Variants in CECR2 observed in about 807,000 individuals in gnomAD.
CECR2 encodes the protein chromatin remodeling regulator CECR2.
In CECR2, 30 loss-of-function variants were observed where a neutral mutation model predicts 154.5. The observed-to-expected ratio is 0.19, with a 90% CI of 0.15 to 0.26. The LOEUF is 0.26. CECR2 is among the 10% of genes least tolerant of loss of function. CECR2 has a pLI of 1.00. For missense variants in CECR2, 1,743 were observed against 1,829.3 expected (o/e 0.95, Z 0.86); for synonymous variants, 725 against 683.7 (o/e 1.06, Z -0.94).
intron 1 of CECR2, among the ~76,000 whole-genome samples, chr22:17,421,812 C>T (rs2054256983): frequency 1.3e-5 from 2 of 149,378 alleles, no homozygotes; most frequent in African/African-American, 4.9e-5. Context: ...GTTCCCTTCC[C>T]TTGGGTCAGT....
chr22:17,423,197 G>A (rs1230167458), intron 1 of CECR2, among the ~76,000 whole-genome samples: 1 of 152,106 alleles, frequency 6.6e-6, no homozygotes, highest in Non-Finnish European at 1.5e-5. Flanking sequence ...CAGCCTTTTA[G>A]TGAGCACCTG....
Position 17,383,657 on chromosome 22 carries a change from C to CTTTT in CECR2, c.126+13767_126+13770dup, listed in dbSNP as rs57665657. On this transcript the variant is annotated intron_variant, in intron 1 of 18. Transcript: ENST00000262608. ...TAATTTAGTCACATCTTCAGGTCCA[C>CTTTT]TTTTTTTTTTTTTTTTTTTTTTGAA... is the stretch of plus-strand genomic sequence containing the variant. 1.6e-3 allele frequency among the ~76,000 whole-genome samples: 162 copies of CTTTT among 104,302 alleles called. 10 individuals carry two copies. Among genetic ancestry groups the CTTTT allele is most frequent in the African/African-American group, 5.2e-3 (132 of 25,460 alleles). The allele number at this position is 104,302 out of a possible 152,430, so 68.4% of individuals were successfully genotyped here. A position where few individuals can be genotyped will look rare whatever the true frequency, so the allele number is the denominator to read the frequency against.
rs900283274 is a variant in CECR2, at chr22:17,524,156, C to T, written c.993C>T (p.Arg331=). 1.2e-6 allele frequency: 2 copies of T among 1,602,308 alleles called. No individual in the cohort carries two copies. The highest frequency in any genetic ancestry group is 2.7e-5 in the African/African-American group (2 of 74,570). Residue 331 remains arginine, a synonymous_variant, in exon 9 of 19, where the codon CGC becomes CGT. Transcript: ENST00000262608. ...TGACCAGAATAGAAAAACAAAAGCG[C>T]AAAGAGGAGGAAGAAGAGCGTCAGA... ...PVLTRIEKQK[R]KEEEEERQIL... is the part of the protein sequence containing the mutation.
intron 3 of CECR2, 143 bp from the exon 4 acceptor site, chr22:17,499,267 G>T: frequency 1.1e-6 from 1 of 918,226 alleles, no homozygotes; most frequent in Non-Finnish European, 1.6e-6. Context: ...GGGATTACAG[G>T]CGTGAGCCAC....
At position 17,537,246 on chromosome 22, in the gene CECR2, A is replaced by G; in HGVS notation, c.1238+14A>G. 5 of 1,612,250 alleles carry G rather than the reference A, an allele frequency of 3.1e-6. No homozygotes were observed. The highest frequency in any genetic ancestry group is 4.2e-6 in the Non-Finnish European group (5 of 1,178,882). ...GACTAAAGACCTGTGAGTATTTAGT[A>G]ACAACAACAACAGCAGTAGCAACTG... is the stretch of plus-strand genomic sequence containing the variant. On this transcript the variant is annotated intron_variant, in intron 10 of 18. Coordinates refer to ENST00000262608, the MANE Select transcript of CECR2 (RefSeq NM_001290047.2).
chr22:17,378,215 C>T (rs1371904752), intron 1 of CECR2, among the ~76,000 whole-genome samples: 1 of 150,588 alleles, frequency 6.6e-6, no homozygotes, highest in East Asian at 2.0e-4. Flanking sequence ...GATCTCCTAA[C>T]CTTGTGATCC....
At chr22:17,422,648 A>G (rs1443126479) in intron 1 of CECR2, among the ~76,000 whole-genome samples, 1 of 148,420 alleles carries the variant, frequency 6.7e-6, no homozygotes, top group African/African-American at 2.5e-5. Context: ...TCATGTGTTT[A>G]TATTACACCT....
At chr22:17,447,033 C>CTGGTTTTTT (rs1339121774) in intron 1 of CECR2, among the ~76,000 whole-genome samples, 11 of 114,110 alleles carry the variant, frequency 9.6e-5, no homozygotes, top group African/African-American at 4.1e-4. Flanking sequence ...CGTTTACAAT[C>CTGGTTTTTT]TTTTTTTTTT....
At chr22:17,421,930 GCAGAAAGTCTTT>G (rs2054261170) in intron 1 of CECR2, among the ~76,000 whole-genome samples, 1 of 147,510 alleles carries the variant, frequency 6.8e-6, no homozygotes, top group South Asian at 2.1e-4. Flanking sequence ...AATTGTTGTT[GCAGAAAGTCTTT>G]ATTCTCCTTC....
intron 5 of CECR2, 58 bp from the exon 6 acceptor site, chr22:17,503,024 C>G (rs1380696221): frequency 1.3e-6 from 2 of 1,519,274 alleles, no homozygotes; most frequent in East Asian, 4.6e-5. Flanking sequence ...TGGGGTGGCA[C>G]AGAACAATTT....
intron 1 of CECR2, among the ~76,000 whole-genome samples, chr22:17,465,572 C>T (rs2055017584): frequency 6.6e-6 from 1 of 152,270 alleles, no homozygotes; most frequent in African/African-American, 2.4e-5. Context: ...GCAACTTCCA[C>T]CTCCTGGGTT....
At chr22:17,375,462 C>T (rs2063107523) in intron 1 of CECR2, among the ~76,000 whole-genome samples, 1 of 152,108 alleles carries the variant, frequency 6.6e-6, no homozygotes, top group African/African-American at 2.4e-5. Flanking sequence ...GTACTAGGTG[C>T]CGATATGGTT....
Position 17,542,247 on chromosome 22 carries a change from A to T in CECR2, c.2104A>T (p.Met702Leu), listed in dbSNP as rs62623401. 2 of 1,611,064 alleles carry T rather than the reference A, an allele frequency of 1.2e-6. No homozygotes were observed. The highest frequency in any genetic ancestry group is 1.7e-6 in the Non-Finnish European group (2 of 1,178,580). Residue 702 changes from methionine to leucine, a missense_variant, in exon 16 of 19, where the codon ATG becomes TTG. By Grantham distance (15) the Met-to-Leu change is conservative (BLOSUM62 2). Coordinates refer to ENST00000262608, the MANE Select transcript of CECR2 (RefSeq NM_001290047.2). ...MCGGLTHLSNMGPHPGSLQLG... is the reference protein window; with the variant it reads ...MCGGLTHLSNLGPHPGSLQLG... The stretch of plus-strand genomic sequence containing the variant: ...CGGGGGGCTGACACACCTTTCTAAC[A>T]TGGGCCCACACCCTGGATCCTTGCA...
intron 2 of CECR2, among the ~76,000 whole-genome samples, chr22:17,494,648 T>A (rs1382653657): frequency 6.6e-6 from 1 of 152,170 alleles, no homozygotes; most frequent in Non-Finnish European, 1.5e-5. Flanking sequence ...ATAGTAAGAG[T>A]AGGGGAAAGA....
In CECR2 at chr22:17,549,489, A is replaced by C; in HGVS notation, c.4202A>C (p.Gln1401Pro). 3 of 1,609,608 alleles carry C rather than the reference A, an allele frequency of 1.9e-6. No homozygotes were observed. The highest frequency in any genetic ancestry group is 2.5e-6 in the Non-Finnish European group (3 of 1,177,928). Residue 1401 changes from glutamine to proline, a missense_variant, in exon 17 of 19, where the codon CAA becomes CCA. Coordinates refer to ENST00000262608, the MANE Select transcript of CECR2 (RefSeq NM_001290047.2). ...CAGGAAGAAGGCCTGGGTCACTTTCAAGCTGTGATGATGGAACAAATTGGC... is the reference window on the plus strand; with the variant it reads ...CAGGAAGAAGGCCTGGGTCACTTTCCAGCTGTGATGATGGAACAAATTGGC... Reference protein sequence around the residue: ...RCQEEGLGHFQAVMMEQIGTR... With the variant: ...RCQEEGLGHFPAVMMEQIGTR...
chr22:17,484,581 TTTTGTTTG>T (rs902470466), intron 2 of CECR2, among the ~76,000 whole-genome samples: 1 of 152,160 alleles, frequency 6.6e-6, no homozygotes, highest in Admixed American at 6.6e-5. Flanking sequence ...ATAGACTGTT[TTTTGTTTG>T]TTTGTTTGTT....
chr22:17,542,011 G>A (rs1373798153), intron 15 of CECR2, 44 bp downstream of exon 15: 3 of 1,591,054 alleles, frequency 1.9e-6, no homozygotes, highest in East Asian at 4.5e-5. Flanking sequence ...GGGTCCCACA[G>A]GTACGTTTCA....
chr22:17,437,793 G>C (rs1170582187), intron 1 of CECR2, among the ~76,000 whole-genome samples: 1 of 152,138 alleles, frequency 6.6e-6, no homozygotes, highest in African/African-American at 2.4e-5. Context: ...TTCTTAGCAG[G>C]AGTGATGAAG....
chr22:17,534,546 C>T (rs1601529335), intron 9 of CECR2, among the ~76,000 whole-genome samples: 1 of 151,768 alleles, frequency 6.6e-6, no homozygotes, highest in Non-Finnish European at 1.5e-5. Flanking sequence ...CTCACTCTGT[C>T]GCCCAGGCTG....
Sources: gnomAD v4.1 joint callset for allele counts (sites outside exome capture counted in the v4.1 genomes callset) on GRCh38, gnomAD v4.1.1 for gene constraint, MANE v1.5 for transcripts, NCBI Gene and HGNC (gene_info 2026-07-23, HGNC 2026-07-21) for gene names.